The following CDH18 variants were observed in gnomAD, a reference collection of about 807,000 sequenced individuals.
CDH18 encodes cadherin-18.
Under a neutral mutation model 67.9 loss-of-function variants are expected in CDH18, and 31 were observed. The ratio of observed to expected loss-of-function variants is 0.46; its 90% confidence interval spans 0.34 to 0.62. The LOEUF (loss-of-function observed/expected upper bound fraction) is 0.62, where lower values mean the gene tolerates loss of function less well. Ranked by LOEUF, CDH18 falls within the 20% of genes least tolerant of loss-of-function variation. The pLI is 0.01. For synonymous variants in CDH18, 362 were observed against 347.2 expected, an observed-to-expected ratio of 1.04 and a Z score of -0.48; for missense variants, 890 against 975.5, an observed-to-expected ratio of 0.91 and a Z score of 1.17.
chr5:20,381,957 G>T (rs1261112183), intron 1 of CDH18, among the ~76,000 whole-genome samples: 2 of 151,914 alleles, frequency 1.3e-5, no homozygotes, highest in Admixed American at 6.6e-5. Flanking sequence ...ATAATATGTA[G>T]AACAATTAAA....
rs1285505134 is a variant in CDH18 at position 19,665,985 on chromosome 5, T to C, written c.644-53384A>G. The stretch of plus-strand genomic sequence containing the variant: ...TGTATTCAAGTAGATCTTAGGCTAG[T>C]GAGAAAAGTTAAGTAGAATGTAACA... On this transcript the variant is annotated intron_variant, in intron 5 of 12. Transcript: ENST00000382275. Among the ~76,000 whole-genome samples the C allele has an allele frequency of 2.0e-5, 3 of 152,054 alleles. No homozygotes were observed. In the East Asian group the frequency reaches 5.8e-4, roughly 29 times the overall value.
intron 3 of CDH18, among the ~76,000 whole-genome samples, 182 bp from the exon 4 acceptor site, chr5:19,747,418 G>T (rs1770177831): frequency 6.7e-6 from 1 of 148,400 alleles, no homozygotes; most frequent in Non-Finnish European, 1.5e-5. Context: ...TTAATCATAT[G>T]GATATTGCTA....
intron 2 of CDH18, among the ~76,000 whole-genome samples, chr5:20,016,042 G>T (rs1436174802): frequency 2.0e-5 from 3 of 152,058 alleles, no homozygotes; most frequent in Non-Finnish European, 4.4e-5. Context: ...ATTTATAACA[G>T]CCAAAACAAT....
intron 1 of CDH18, among the ~76,000 whole-genome samples, chr5:20,501,470 A>ATATT (rs1429136648): frequency 5.1e-4 from 48 of 93,446 alleles, no homozygotes; most frequent in African/African-American, 1.7e-3. Flanking sequence ...TATTATATAT[A>ATATT]TTATATACAT....
chr5:20,113,404 T>C (rs542435166), intron 2 of CDH18, among the ~76,000 whole-genome samples: 1 of 152,312 alleles, frequency 6.6e-6, no homozygotes, highest in East Asian at 1.9e-4. Context: ...AAGCATTTTA[T>C]ATTCAATACA....
At chr5:19,847,351 T>A (rs938249336) in intron 2 of CDH18, among the ~76,000 whole-genome samples, 8 of 152,102 alleles carry the variant, frequency 5.3e-5, no homozygotes, top group African/African-American at 1.7e-4. Flanking sequence ...AAATGGCCTG[T>A]CTTTAAGTTA....
At chr5:19,893,948 A>C (rs921347633) in intron 2 of CDH18, among the ~76,000 whole-genome samples, 1 of 152,142 alleles carries the variant, frequency 6.6e-6, no homozygotes, top group Non-Finnish European at 1.5e-5. Context: ...GATTTTACAG[A>C]AGTAATTTGC....
chr5:19,557,861 G>A (rs1415170862), intron 8 of CDH18, among the ~76,000 whole-genome samples: 3 of 151,942 alleles, frequency 2.0e-5, no homozygotes, highest in Non-Finnish European at 2.9e-5. Context: ...ATCAGCACAT[G>A]GAACATTCTC....
At chr5:19,935,246 A>G (rs1794110812) in intron 2 of CDH18, among the ~76,000 whole-genome samples, 1 of 151,178 alleles carries the variant, frequency 6.6e-6, no homozygotes, top group South Asian at 2.1e-4. Flanking sequence ...TGGAAAGATG[A>G]GAATTAACAG....
At chr5:19,584,570 G>A (rs1005295491) in intron 7 of CDH18, among the ~76,000 whole-genome samples, 1 of 151,998 alleles carries the variant, frequency 6.6e-6, no homozygotes, top group Non-Finnish European at 1.5e-5. Flanking sequence ...CTCTGAGATT[G>A]ATAATCCTAA....
At chr5:19,983,816 G>T (rs1799298044) in intron 1 of CDH18, among the ~76,000 whole-genome samples, 1 of 152,132 alleles carries the variant, frequency 6.6e-6, no homozygotes, top group South Asian at 2.1e-4. Flanking sequence ...GTTCTTAATT[G>T]TTTAACTTGT....
chr5:20,155,993 A>G (rs770810049), intron 2 of CDH18, among the ~76,000 whole-genome samples: 1 of 152,086 alleles, frequency 6.6e-6, no homozygotes, highest in Admixed American at 6.6e-5. Flanking sequence ...ACGCAACATC[A>G]CTTATCATCA....
At chr5:20,229,355 T>C (rs1043585135) in intron 2 of CDH18, among the ~76,000 whole-genome samples, 16 of 152,182 alleles carry the variant, frequency 1.1e-4, no homozygotes, top group Admixed American at 9.2e-4. Flanking sequence ...TTTTGTTCCA[T>C]TGAATATTCT....
chr5:20,266,455 G>A (rs1317189627), intron 1 of CDH18, among the ~76,000 whole-genome samples: 1 of 151,978 alleles, frequency 6.6e-6, no homozygotes, highest in Non-Finnish European at 1.5e-5. Context: ...CCAGGCTGGA[G>A]TACAGTGGTG....
chr5:20,301,809 G>A (rs1430996041), intron 1 of CDH18, among the ~76,000 whole-genome samples: 1 of 39,000 alleles, frequency 2.6e-5, no homozygotes, highest in Non-Finnish European at 6.0e-5. Context: ...TTTTTTTTTG[G>A]CATGCAGCAC....
intron 6 of CDH18, among the ~76,000 whole-genome samples, chr5:19,594,024 G>A (rs1293469654): frequency 6.6e-6 from 1 of 151,876 alleles, no homozygotes; most frequent in African/African-American, 2.4e-5. Context: ...TTTAAGAGTT[G>A]TGCAGTTTCA....
At chr5:19,482,660 G>A (rs749123484) in intron 12 of CDH18, among the ~76,000 whole-genome samples, 4 of 151,616 alleles carry the variant, frequency 2.6e-5, no homozygotes, top group African/African-American at 4.9e-5. Context: ...CCCAATAATA[G>A]TTTTCACTAT....
intron 2 of CDH18, among the ~76,000 whole-genome samples, chr5:20,044,086 G>C (rs1419488603): frequency 6.6e-6 from 1 of 151,998 alleles, no homozygotes; most frequent in Non-Finnish European, 1.5e-5. Context: ...TAGTATATTA[G>C]TAAATACATA....
intron 9 of CDH18, among the ~76,000 whole-genome samples, chr5:19,528,443 A>C (rs543783574): frequency 6.6e-6 from 1 of 151,790 alleles, no homozygotes; most frequent in Admixed American, 6.6e-5. Context: ...CAACATCAAA[A>C]ATAATAATGT....
Sources: allele counts gnomAD v4.1 joint callset (sites outside exome capture counted in the v4.1 genomes callset), GRCh38; gene constraint gnomAD v4.1.1; transcripts MANE v1.5; gene names NCBI Gene and HGNC (gene_info 2026-07-23, HGNC 2026-07-21).